FAM20A: variants seen among roughly 807,000 people sequenced by gnomAD.
FAM20A encodes pseudokinase FAM20A.
In FAM20A, 42 loss-of-function variants were observed where a neutral mutation model predicts 52.0. That is an observed-to-expected ratio of 0.81 (90% CI 0.63 to 1.04). The LOEUF (loss-of-function observed/expected upper bound fraction) is 1.04. Ranked by LOEUF, FAM20A falls within the 50% of genes least tolerant of loss-of-function variation. FAM20A has a pLI of 0.00. For missense variants in FAM20A, 742 were observed against 712.7 expected (o/e 1.04, Z -0.47); for synonymous variants, 304 against 298.9 (o/e 1.02, Z -0.18).
chr17:68,560,231 G>C (rs1337985236), intron 1 of FAM20A, among the ~76,000 whole-genome samples: 1 of 151,968 alleles, frequency 6.6e-6, no homozygotes, highest in Non-Finnish European at 1.5e-5. Flanking sequence ...TGCAGTCCCA[G>C]CTACTTGGAA....
rs759286129 is a variant in FAM20A, at chr17:68,540,813, C to T, written c.1219+36G>A. On this transcript the variant is annotated intron_variant, in intron 8 of 10. Transcript: ENST00000592554. Reference sequence around the variant, plus strand: ...GGGGAACCCTAGCCACATAGCAGAGCCCACTTCTGCTGGGGGCCTGCGTGT... The same window carrying T: ...GGGGAACCCTAGCCACATAGCAGAGTCCACTTCTGCTGGGGGCCTGCGTGT... 34 of 1,566,394 alleles carry T rather than the reference C, an allele frequency of 2.2e-5. 1 individual carries two copies. The African/African-American group carries it at 2.4e-4, about 11-fold the overall frequency.
At chr17:68,555,850 AT>A in intron 1 of FAM20A, 107 bp from the exon 2 acceptor site, 1 of 1,297,954 alleles carries the variant, frequency 7.7e-7, no homozygotes, top group Non-Finnish European at 1.1e-6. Flanking sequence ...CCACAAGTGT[AT>A]TAAGCATCTA....
chr17:68,567,983 G>A (rs948863338), intron 1 of FAM20A, among the ~76,000 whole-genome samples: 2 of 151,954 alleles, frequency 1.3e-5, no homozygotes, highest in Non-Finnish European at 2.9e-5. Flanking sequence ...GGAACTGTGA[G>A]TCAGTTAAAC....
In FAM20A at chr17:68,563,893, G is replaced by T. The variant is rs538947160; in HGVS notation, c.405-8150C>A. On this transcript the variant is annotated intron_variant, in intron 1 of 10. Transcript: ENST00000592554. ...CAAATAAAGGATAAACAGCACAAAGGCCAAACACAGGGCTCTGTTTTGGTG... is the reference window on the plus strand; with the variant it reads ...CAAATAAAGGATAAACAGCACAAAGTCCAAACACAGGGCTCTGTTTTGGTG... Among the ~76,000 whole-genome samples the T allele has an allele frequency of 3.3e-5, 5 of 152,198 alleles. No individual in the cohort carries two copies. In the East Asian group the frequency reaches 9.7e-4, roughly 29 times the overall value.
intron 1 of FAM20A, chr17:68,591,789 C>T (rs2088319562): frequency 6.6e-6 from 1 of 152,272 alleles, no homozygotes. Flanking sequence ...GGGGAGGAGC[C>T]TGGCCTCTCC....
intron 1 of FAM20A, among the ~76,000 whole-genome samples, chr17:68,570,159 A>G (rs1033549077): frequency 1.1e-4 from 17 of 152,048 alleles, no homozygotes; most frequent in Non-Finnish European, 2.5e-4. Context: ...CACTGCAACC[A>G]CCACCTCCCA....
intron 1 of FAM20A, chr17:68,575,193 A>G (rs1239018856): frequency 1.3e-5 from 2 of 151,400 alleles, no homozygotes; most frequent in Non-Finnish European, 2.9e-5. Context: ...ATGTAAGACA[A>G]TAAATTTATG....
intron 1 of FAM20A, among the ~76,000 whole-genome samples, chr17:68,589,229 C>G (rs76361700): frequency 0.043 from 6,592 of 152,254 alleles, 217 homozygotes; most frequent in Non-Finnish European, 0.066. Flanking sequence ...ACCATTCCAG[C>G]CCAGAACCCA....
chr17:68,581,399 TTTCTTTC>T (rs1298273881), intron 1 of FAM20A, among the ~76,000 whole-genome samples: 1 of 147,798 alleles, frequency 6.8e-6, no homozygotes, highest in Non-Finnish European at 1.5e-5. Context: ...TCTTTCTTTC[TTTCTTTC>T]TTTCTTTCTT....
chr17:68,563,659 C>T (rs1457861674), intron 1 of FAM20A, among the ~76,000 whole-genome samples: 2 of 152,014 alleles, frequency 1.3e-5, no homozygotes, highest in Non-Finnish European at 2.9e-5. Flanking sequence ...TTCTCAATAA[C>T]CTTCATCATC....
intron 10 of FAM20A, 66 bp downstream of exon 10, chr17:68,539,271 G>T: frequency 6.5e-7 from 1 of 1,537,534 alleles, no homozygotes; most frequent in Non-Finnish European, 9.0e-7. Context: ...TTCAGACCTT[G>T]GCTGCAAGCA....
At chr17:68,582,651 G>T (rs1184096100) in intron 1 of FAM20A, 1 of 152,228 alleles carries the variant, frequency 6.6e-6, no homozygotes, top group Admixed American at 6.6e-5. Context: ...TTCTGTACAT[G>T]ATCTGACTCC....
At chr17:68,566,359 A>G (rs1452119712) in intron 1 of FAM20A, among the ~76,000 whole-genome samples, 1 of 152,260 alleles carries the variant, frequency 6.6e-6, no homozygotes, top group African/African-American at 2.4e-5. Flanking sequence ...AACACTGATT[A>G]TGGAAAGAAG....
At chr17:68,539,818 A>G in intron 9 of FAM20A, 67 bp downstream of exon 9, 1 of 1,504,970 alleles carries the variant, frequency 6.6e-7, no homozygotes, top group South Asian at 1.1e-5. Flanking sequence ...GTTTCCCCCG[A>G]GCAGCTGGCT....
intron 1 of FAM20A, among the ~76,000 whole-genome samples, chr17:68,581,449 TTTTCTTTCTTTCCTTTCTTTCTTTC>T (rs2087985083): frequency 1.0e-5 from 1 of 99,232 alleles, no homozygotes. Flanking sequence ...TCTTTTTTTC[TTTTCTTTCTTTCCTTTCTTTCTTTC>T]TTTCTTTCTT....
At chr17:68,545,390 T>G (rs1331701954) in intron 4 of FAM20A, among the ~76,000 whole-genome samples, 1 of 152,230 alleles carries the variant, frequency 6.6e-6, no homozygotes, top group African/African-American at 2.4e-5. Context: ...TCATGCACAT[T>G]TTTTGGTTCC....
chr17:68,601,155 C>T lies in FAM20A; in HGVS notation c.-489G>A, dbSNP rs1014723358. 1 of 152,396 alleles carries T rather than the reference C, an allele frequency of 6.6e-6. No homozygotes were observed. Among genetic ancestry groups the T allele is most frequent in the Admixed American group, 6.6e-5 (1 of 15,266 alleles). 9.4% of individuals were successfully genotyped at this position (152,396 alleles called of 1,614,324 possible). A position where few individuals can be genotyped will look rare whatever the true frequency, so the allele number is the denominator to read the frequency against. Reference sequence around the variant, plus strand: ...GGCGGCTGCTAGTGCTCCCGCGACTCCTCCTGCGGGCGGCGGAGACGCCAG... The same window carrying T: ...GGCGGCTGCTAGTGCTCCCGCGACTTCTCCTGCGGGCGGCGGAGACGCCAG... On this transcript the variant is annotated 5_prime_UTR_variant, in exon 1 of 11. Transcript: ENST00000592554.
Position 68,600,671 on chromosome 17 carries a change from T to G in FAM20A, c.-5A>C. 1 of 1,540,416 alleles carries G rather than the reference T, an allele frequency of 6.5e-7. No homozygotes were observed. ...GTCCCGGCGCAGCCCCGGCATGGCG[T>G]GCTGGCCAAGGGGGACGCCGGGGGC... On this transcript the variant is annotated 5_prime_UTR_variant, in exon 1 of 11. Transcript: ENST00000592554. This position sits in a 1 kb window ranked among gnomAD's most constrained non-coding sequence, Gnocchi z 6.2.
chr17:68,553,073 C>T (rs554261393), intron 3 of FAM20A, among the ~76,000 whole-genome samples: 155 of 152,300 alleles, frequency 1.0e-3, no homozygotes, highest in African/African-American at 3.7e-3. Flanking sequence ...TCTCAAATCT[C>T]ATCTCAAATT....
Sources: allele counts gnomAD v4.1 joint callset (sites outside exome capture counted in the v4.1 genomes callset), GRCh38; gene constraint gnomAD v4.1.1; non-coding constraint Gnocchi (gnomAD v3.1); transcripts MANE v1.5; gene names NCBI Gene and HGNC (gene_info 2026-07-23, HGNC 2026-07-21).